DYRK1A: variants seen among roughly 807,000 people sequenced by gnomAD.
The protein encoded by DYRK1A is dual specificity tyrosine phosphorylation regulated kinase 1A, also known as dual specificity tyrosine-phosphorylation-regulated kinase 1A.
A neutral mutation model predicts 79.7 loss-of-function variants in DYRK1A; 9 were observed. The observed-to-expected ratio is 0.11, with a 90% CI of 0.07 to 0.20. The LOEUF is 0.20. Ranked by LOEUF, DYRK1A falls within the 10% of genes least tolerant of loss-of-function variation. DYRK1A has a pLI of 1.00. For synonymous variants in DYRK1A, 349 were observed against 329.7 expected (o/e 1.06, Z -0.63); for missense variants, 622 against 956.0 (o/e 0.65, Z 4.61).
chr21:37,377,358 A>G (rs906867954), intron 1 of DYRK1A, among the ~76,000 whole-genome samples: 1 of 152,064 alleles, frequency 6.6e-6, no homozygotes, highest in South Asian at 2.1e-4. Context: ...TGACCTCGTG[A>G]TCCGCTTACC....
At chr21:37,452,141 CT>C (rs781577683) in intron 2 of DYRK1A, among the ~76,000 whole-genome samples, 1,549 of 140,472 alleles carry the variant, frequency 0.011, 11 homozygotes, top group African/African-American at 0.028. Context: ...TGATTTTGAG[CT>C]TTTTTTTTTT....
chr21:37,372,526 C>G (rs951070434), intron 1 of DYRK1A, among the ~76,000 whole-genome samples: 2 of 151,904 alleles, frequency 1.3e-5, no homozygotes, highest in Non-Finnish European at 2.9e-5. Context: ...GTTGAGGCAG[C>G]ATGATACTGT....
chr21:37,465,966 G>T (rs1165976768), intron 2 of DYRK1A, among the ~76,000 whole-genome samples: 2 of 152,212 alleles, frequency 1.3e-5, no homozygotes, highest in Non-Finnish European at 2.9e-5. Flanking sequence ...GAATGGCATT[G>T]TCACCTCCGC....
chr21:37,432,091 T>C (rs941502015), intron 2 of DYRK1A, among the ~76,000 whole-genome samples: 15 of 152,200 alleles, frequency 9.9e-5, no homozygotes, highest in African/African-American at 3.6e-4. Context: ...TCAACTTTTA[T>C]GTTTTCATGA....
chr21:37,386,508 G>A (rs2049763587), intron 1 of DYRK1A, among the ~76,000 whole-genome samples: 2 of 152,324 alleles, frequency 1.3e-5, no homozygotes, highest in Middle Eastern at 3.4e-3. Flanking sequence ...GGTGCTGTGT[G>A]CCACACACAA....
chr21:37,446,904 C>T (rs2051291737), intron 2 of DYRK1A, among the ~76,000 whole-genome samples: 1 of 152,170 alleles, frequency 6.6e-6, no homozygotes, highest in African/African-American at 2.4e-5. Context: ...TTTGTGCTCC[C>T]TCTGTGATTT....
At chr21:37,450,439 C>T (rs565731906) in intron 2 of DYRK1A, among the ~76,000 whole-genome samples, 1 of 152,184 alleles carries the variant, frequency 6.6e-6, no homozygotes. Flanking sequence ...GGGTTGCAGC[C>T]GCCCCCTCTG....
At position 37,366,911 on chromosome 21, in the gene DYRK1A, C is replaced by G. The variant is rs1225776672; in HGVS notation, c.-794C>G. 6.5e-6 allele frequency: 1 copy of G among 153,744 alleles called. No homozygotes were observed. The highest frequency in any genetic ancestry group is 2.4e-5 in the African/African-American group (1 of 41,412). The allele number at this position is 153,744 out of a possible 1,614,324, so 9.5% of individuals were successfully genotyped here. A position where few individuals can be genotyped will look rare whatever the true frequency, so the allele number is the denominator to read the frequency against. On this transcript the variant is annotated 5_prime_UTR_variant, in exon 1 of 12. Transcript: ENST00000647188. ...ACCGCGGCGGGGGTATCCGGGGAGA[C>G]TGCTGCTGTCGCTGCTGCTGATCGC...
intron 1 of DYRK1A, among the ~76,000 whole-genome samples, chr21:37,389,765 C>T (rs1156336439): frequency 6.6e-6 from 1 of 151,914 alleles, no homozygotes; most frequent in African/African-American, 2.4e-5. Context: ...ATATGAGTAT[C>T]CCTAAGGTTT....
At chr21:37,391,042 C>T (rs1231296101) in intron 1 of DYRK1A, among the ~76,000 whole-genome samples, 2 of 152,188 alleles carry the variant, frequency 1.3e-5, no homozygotes, top group Admixed American at 6.5e-5. Flanking sequence ...AGGAATGATG[C>T]TGTTTTGAAT....
chr21:37,487,125 T>G (rs1024294), intron 6 of DYRK1A: 1 of 151,914 alleles, frequency 6.6e-6, no homozygotes, highest in African/African-American at 2.4e-5. Context: ...CTTATTGAAT[T>G]TCTACCACAT....
At chr21:37,410,735 CCTGGA>C (rs1208806642) in intron 1 of DYRK1A, 4 of 152,194 alleles carry the variant, frequency 2.6e-5, no homozygotes, top group African/African-American at 4.8e-5. Context: ...TTGCACGTCT[CCTGGA>C]CTTACACAGA....
Position 37,516,705 on chromosome 21 carries a change from CTT to C in DYRK1A, c.*4176_*4177del, listed in dbSNP as rs1033431572. 2 of 152,184 alleles carry C rather than the reference CTT, an allele frequency of 1.3e-5. No individual in the cohort carries two copies. Among genetic ancestry groups the C allele is most frequent in the South Asian group, 2.1e-4 (1 of 4,806 alleles). 9.4% of individuals were successfully genotyped at this position (152,184 alleles called of 1,614,324 possible). A position where few individuals can be genotyped will look rare whatever the true frequency, so the allele number is the denominator to read the frequency against. Reference sequence around the variant, plus strand: ...CTCATCGCTTGGTGTGTTTGGCTCTCTTTGGCATTATGCATAGCCAAGGTCCC... The same window carrying C: ...CTCATCGCTTGGTGTGTTTGGCTCTCTGGCATTATGCATAGCCAAGGTCCC... On this transcript the variant is annotated 3_prime_UTR_variant, in exon 12 of 12. Transcript: ENST00000647188.
At chr21:37,484,881 G>C (rs1448573830) in intron 5 of DYRK1A, among the ~76,000 whole-genome samples, 1 of 152,156 alleles carries the variant, frequency 6.6e-6, no homozygotes. Flanking sequence ...CCCCTCTTGG[G>C]CTGAGGTGTT....
intron 1 of DYRK1A, among the ~76,000 whole-genome samples, chr21:37,417,526 TTTC>T (rs1424035570): frequency 1.2e-4 from 8 of 66,970 alleles, no homozygotes; most frequent in Admixed American, 9.1e-4. Context: ...TCTTTTTCTT[TTTC>T]TTTTTTTTTT....
intron 2 of DYRK1A, among the ~76,000 whole-genome samples, chr21:37,446,943 C>T (rs958532218): frequency 2.6e-5 from 4 of 152,074 alleles, no homozygotes; most frequent in African/African-American, 9.7e-5. Context: ...ATAAGAATCC[C>T]CACTCTCCTG....
At chr21:37,465,484 T>C (rs757235197) in intron 2 of DYRK1A, among the ~76,000 whole-genome samples, 6 of 152,226 alleles carry the variant, frequency 3.9e-5, no homozygotes, top group Non-Finnish European at 5.9e-5. Flanking sequence ...AGCTTTCTTT[T>C]ATTAAGGTGA....
At chr21:37,411,049 T>TAAA (rs35292922) in intron 1 of DYRK1A, among the ~76,000 whole-genome samples, 2,185 of 56,442 alleles carry the variant, frequency 0.039, 206 homozygotes, top group African/African-American at 0.044. Flanking sequence ...ATTCTGTCTT[T>TAAA]AAAAAAAAAA....
In DYRK1A at chr21:37,486,583, C is replaced by A; in HGVS notation, c.606C>A (p.Asn202Lys). ...AAGTGCGACTTCTTGAGCTCATGAA[C>A]AAACATGACACTGAAATGAAATACT... ...QIEVRLLELMNKHDTEMKYYI... is the reference protein window; with the variant it reads ...QIEVRLLELMKKHDTEMKYYI... The change falls in exon 6 of 12, where the codon AAC (asparagine) becomes AAA (lysine). Residue 202 changes from asparagine (N) to lysine (K), a missense_variant. Asn to Lys is a moderately conservative substitution (Grantham distance 94). Transcript: ENST00000647188. 6.3e-7 allele frequency: 1 copy of A among 1,593,648 alleles called. No individual in the cohort carries two copies. The highest frequency in any genetic ancestry group is 8.5e-7 in the Non-Finnish European group (1 of 1,171,316).
Sources: gnomAD v4.1 joint callset for allele counts (sites outside exome capture counted in the v4.1 genomes callset) on GRCh38, gnomAD v4.1.1 for gene constraint, MANE v1.5 for transcripts, NCBI Gene and HGNC (gene_info 2026-07-23, HGNC 2026-07-21) for gene names.